SHOX: variants seen among roughly 807,000 people sequenced by gnomAD.
SHOX encodes the protein short stature homeobox protein.
SHOX carries 12 observed loss-of-function variants against 29.6 expected under a neutral mutation model. The observed-to-expected ratio is 0.41, with a 90% CI of 0.26 to 0.66. The LOEUF is 0.66. Among genes scored for constraint, SHOX ranks in the 30% least tolerant of loss-of-function variants. The pLI is 0.35. For missense variants in SHOX, 499 were observed against 437.7 expected, an observed-to-expected ratio of 1.14 and a Z score of -1.25; for synonymous variants, 214 against 200.6, an observed-to-expected ratio of 1.07 and a Z score of -0.57.
rs1449009984 is a variant in SHOX at position 649,561 on chromosome X, T to C, written c.*4925T>C. Among the ~76,000 whole-genome samples the C allele has an allele frequency of 3.9e-5, 6 of 152,154 alleles. No individual in the cohort carries two copies. The highest frequency in any genetic ancestry group is 8.8e-5 in the Non-Finnish European group (6 of 68,014). On this transcript the variant is annotated 3_prime_UTR_variant, in exon 5 of 5. Coordinates refer to ENST00000686671, the MANE Select transcript of SHOX (RefSeq NM_000451.4). ...TGCTTTTTGCTCAAAACAAGGTTCT[T>C]TTGAAAGTCACGTTCCTGCTTTCCC...
At position 649,373 on chromosome X, in the gene SHOX, G is replaced by A. The variant is rs2053019056; in HGVS notation, c.*4737G>A. On this transcript the variant is annotated 3_prime_UTR_variant, in exon 5 of 5. Transcript: ENST00000686671. ...TTTTCTGAGATGTTTAGGAAGGACT[G>A]GGCTGATGGGGACCCTCTGTATGTG... Among the ~76,000 whole-genome samples, 1 of 152,124 alleles carries A rather than the reference G, an allele frequency of 6.6e-6. No homozygotes were observed. Among genetic ancestry groups the A allele is most frequent in the Non-Finnish European group, 1.5e-5 (1 of 68,024 alleles).
chrX:643,621 CCTTGGGGATCTGGTGTCCTG>C (rs2052906360), intron 4 of SHOX, among the ~76,000 whole-genome samples: 1 of 74,642 alleles, frequency 1.3e-5, no homozygotes, highest in African/African-American at 5.7e-5. Context: ...CCTGGGAGAG[CCTTGGGGATCTGGTGTCCTG>C]GGGAGAGGCT....
chrX:627,433 G>T (rs1215362767), upstream of SHOX, among the ~76,000 whole-genome samples: 3 of 152,098 alleles, frequency 2.0e-5, no homozygotes, highest in Non-Finnish European at 2.9e-5. Flanking sequence ...AGGTGAGAGG[G>T]GTGAGGCCGC....
downstream of SHOX, among the ~76,000 whole-genome samples, chrX:651,962 C>T (rs2053072032): frequency 6.6e-6 from 1 of 152,082 alleles, no homozygotes; most frequent in African/African-American, 2.4e-5. Flanking sequence ...CTCTGTCGCC[C>T]AGGCCGGAGG....
intron 1 of SHOX, among the ~76,000 whole-genome samples, chrX:634,140 G>A (rs2052697241): frequency 6.6e-6 from 1 of 152,166 alleles, no homozygotes; most frequent in African/African-American, 2.4e-5. Flanking sequence ...CCGCCAGATC[G>A]CGGAGGGACC....
chrX:631,187 G>A lies in SHOX; in HGVS notation c.277+13G>A, dbSNP rs770007850. On this transcript the variant is annotated intron_variant, in intron 1 of 4. Coordinates refer to ENST00000686671, the MANE Select transcript of SHOX (RefSeq NM_000451.4). ...AGAGTGGCAGAAGGTAAGTTCCTTT[G>A]CGCTCCGGCTCCAGGGGGGCCCTCC... The A allele has an allele frequency of 1.4e-4, 221 of 1,612,208 alleles. No homozygotes were observed. Among genetic ancestry groups the A allele is most frequent in the Non-Finnish European group, 1.8e-4 (214 of 1,179,626 alleles).
downstream of SHOX, among the ~76,000 whole-genome samples, chrX:655,557 ACTCTCTCTCTGTCTCT>A (rs1156413525): frequency 3.7e-5 from 4 of 107,994 alleles, no homozygotes; most frequent in Admixed American, 9.6e-5. Flanking sequence ...AGCAAAAAGG[ACTCTCTCTCTGTCTCT>A]CTCTCTCTCT....
At chrX:651,854 A>AG (rs1295985903), downstream of SHOX, among the ~76,000 whole-genome samples, 11 of 152,186 alleles carry the variant, frequency 7.2e-5, no homozygotes, top group Non-Finnish European at 1.2e-4. Context: ...TGGCAAAAAA[A>AG]ACAGAGGAAA....
At chrX:633,661 C>T (rs1470793505) in intron 1 of SHOX, among the ~76,000 whole-genome samples, 5 of 152,064 alleles carry the variant, frequency 3.3e-5, no homozygotes, top group African/African-American at 7.2e-5. Context: ...AATGTCAGCC[C>T]CTTACCCTTG....
rs2053023581 is a variant in SHOX, at chrX:649,639, A to G, written c.*5003A>G. Reference sequence around the variant, plus strand: ...GAGCAAGGAATACCACCCAGAGAGCAACGTGGGCTGTGTTCCGATGTAACG... The same window carrying G: ...GAGCAAGGAATACCACCCAGAGAGCGACGTGGGCTGTGTTCCGATGTAACG... On this transcript the variant is annotated 3_prime_UTR_variant, in exon 5 of 5. Transcript: ENST00000686671. Among the ~76,000 whole-genome samples the G allele has an allele frequency of 6.6e-6, 1 of 152,172 alleles. No individual in the cohort carries two copies. Among genetic ancestry groups the G allele is most frequent in the Non-Finnish European group, 1.5e-5 (1 of 68,032 alleles).
chrX:626,109 A>G (rs372074734), upstream of SHOX, among the ~76,000 whole-genome samples: 17 of 12,592 alleles, frequency 1.4e-3, no homozygotes, highest in South Asian at 8.5e-3. Flanking sequence ...ATCTCTGTCT[A>G]TCTCTGTCTC....
In SHOX at chrX:640,792, C is replaced by T. The variant is rs201973316; in HGVS notation, c.487-29C>T. ...GAGGCTGGGCTGGGTTCACAGGGCT[C>T]TTCACATCTCTCTCTGCTTCTCCCC... On this transcript the variant is annotated intron_variant, in intron 2 of 4. Transcript: ENST00000686671. 1,098 of 1,613,596 alleles carry T rather than the reference C, an allele frequency of 6.8e-4. 1 individual carries two copies. Among genetic ancestry groups the T allele is most frequent in the Non-Finnish European group, 8.7e-4 (1,022 of 1,179,734 alleles).
At chrX:653,559 C>T (rs753882400), downstream of SHOX, among the ~76,000 whole-genome samples, 4 of 152,142 alleles carry the variant, frequency 2.6e-5, no homozygotes, top group African/African-American at 9.6e-5. Flanking sequence ...GTGTCTCAGC[C>T]CTGAATTTCT....
chrX:636,269 T>C (rs1364080556), intron 2 of SHOX, among the ~76,000 whole-genome samples: 1 of 143,646 alleles, frequency 7.0e-6, no homozygotes, highest in East Asian at 2.0e-4. Flanking sequence ...AACATAAATA[T>C]ATAAACATAT....
At chrX:652,293 TATA>T (rs1046094238), downstream of SHOX, among the ~76,000 whole-genome samples, 2 of 151,560 alleles carry the variant, frequency 1.3e-5, no homozygotes. Flanking sequence ...AGACAAAAAA[TATA>T]ATAATAATAA....
intron 4 of SHOX, among the ~76,000 whole-genome samples, chrX:643,936 G>A (rs1031280138): frequency 1.3e-5 from 2 of 149,236 alleles, no homozygotes; most frequent in African/African-American, 5.0e-5. Context: ...TTGGGGACCT[G>A]GTGATCTTGG....
At chrX:642,025 G>A (rs1173952383) in intron 4 of SHOX, among the ~76,000 whole-genome samples, 1 of 152,222 alleles carries the variant, frequency 6.6e-6, no homozygotes, top group Non-Finnish European at 1.5e-5. Flanking sequence ...GCGCTTGGGT[G>A]CCCAGCGTGG....
At position 644,841 on chromosome X, in the gene SHOX, A is replaced by G; in HGVS notation, c.*205A>G. On this transcript the variant is annotated 3_prime_UTR_variant, in exon 5 of 5. Transcript: ENST00000686671. The stretch of plus-strand genomic sequence containing the variant: ...AGCCAGACCCTCGCGGAGATGGTGC[A>G]GAAGGCGGAGCGGGTGAGCGGCCGT... 1 of 660,954 alleles carries G rather than the reference A, an allele frequency of 1.5e-6. No homozygotes were observed. The allele number at this position is 660,954 out of a possible 1,614,324, so 40.9% of individuals were successfully genotyped here. A position where few individuals can be genotyped will look rare whatever the true frequency, so the allele number is the denominator to read the frequency against.
rs761581930 is a variant in SHOX, at chrX:646,257, G to C, written c.*1621G>C. The C allele has an allele frequency of 1.3e-5, 2 of 152,068 alleles. No individual in the cohort carries two copies. Among genetic ancestry groups the C allele is most frequent in the Non-Finnish European group, 2.9e-5 (2 of 67,992 alleles). The allele number at this position is 152,068 out of a possible 1,614,324, so 9.4% of individuals were successfully genotyped here. A position where few individuals can be genotyped will look rare whatever the true frequency, so the allele number is the denominator to read the frequency against. On this transcript the variant is annotated 3_prime_UTR_variant, in exon 5 of 5. Coordinates refer to ENST00000686671, the MANE Select transcript of SHOX (RefSeq NM_000451.4). The stretch of plus-strand genomic sequence containing the variant: ...AATGACCTAACCAAAAACATTCAAG[G>C]GTTCTGCCCCCAGATTTCGGGAGAT...
Sources: allele counts gnomAD v4.1 joint callset (sites outside exome capture counted in the v4.1 genomes callset), GRCh38; gene constraint gnomAD v4.1.1; transcripts MANE v1.5; gene names NCBI Gene and HGNC (gene_info 2026-07-23, HGNC 2026-07-21).